The following EPHX4 variants were observed in gnomAD, a reference collection of about 807,000 sequenced individuals.
EPHX4 encodes epoxide hydrolase 4, also known as abhydrolase domain containing 7.
A neutral mutation model predicts 44.9 loss-of-function variants in EPHX4; 31 were observed. The observed-to-expected ratio is 0.69, with a 90% confidence interval of 0.52 to 0.93. The LOEUF (loss-of-function observed/expected upper bound fraction) is 0.93, where lower values mean the gene tolerates loss of function less well. Ranked by LOEUF, EPHX4 falls within the 40% of genes least tolerant of loss-of-function variation. The probability of loss-of-function intolerance (pLI) is 0.00; values close to 1 mark genes in which losing one functional copy is unlikely to be tolerated. For missense variants in EPHX4, 373 were observed against 438.1 expected, an observed-to-expected ratio of 0.85 and a Z score of 1.33; for synonymous variants, 151 against 159.7, an observed-to-expected ratio of 0.95 and a Z score of 0.41.
chr1:92,045,461 A>C, intron 3 of EPHX4, 71 bp from the exon 4 acceptor site: 1 of 1,556,506 alleles, frequency 6.4e-7, no homozygotes, highest in Non-Finnish European at 8.8e-7. Context: ...AAGTATAACT[A>C]TTTTATGTGA....
chr1:92,044,847 CT>C (rs1365861751), intron 3 of EPHX4, among the ~76,000 whole-genome samples: 3 of 152,144 alleles, frequency 2.0e-5, no homozygotes, highest in Non-Finnish European at 4.4e-5. Context: ...TTACTTTTGA[CT>C]TCATTATGTG....
intron 5 of EPHX4, among the ~76,000 whole-genome samples, chr1:92,052,273 T>C (rs1303186183): frequency 1.3e-5 from 2 of 152,124 alleles, no homozygotes; most frequent in Non-Finnish European, 2.9e-5. Flanking sequence ...CAGGATGCTT[T>C]TTATAAAAAT....
At chr1:92,049,300 GA>G (rs2101872372) in intron 4 of EPHX4, among the ~76,000 whole-genome samples, 1 of 152,198 alleles carries the variant, frequency 6.6e-6, no homozygotes, top group Non-Finnish European at 1.5e-5. Flanking sequence ...AACCATTCAG[GA>G]TTCAGCAAAC....
At chr1:92,037,927 AT>A (rs1179342110) in intron 2 of EPHX4, among the ~76,000 whole-genome samples, 1 of 152,182 alleles carries the variant, frequency 6.6e-6, no homozygotes, top group African/African-American at 2.4e-5. Context: ...ATTCATGTAA[AT>A]GATATGTCCA....
At position 92,044,949 on chromosome 1, in the gene EPHX4, C is replaced by CA. The variant is rs1347269607; in HGVS notation, c.476-583_476-582insA. ...AGATGTTTCTTTTGTTTCTTTTGTA[C>CA]CCCCCCACACTTTTTTTCTTTTTTA... On this transcript the variant is annotated intron_variant, in intron 3 of 6. Coordinates refer to ENST00000370383, the MANE Select transcript of EPHX4 (RefSeq NM_173567.5). Among the ~76,000 whole-genome samples, 5 of 151,752 alleles carry CA rather than the reference C, an allele frequency of 3.3e-5. 1 individual carries two copies. The highest frequency in any genetic ancestry group is 2.6e-4 in the Admixed American group (4 of 15,202).
chr1:92,058,825 TTACAAAGTAAGTAA>T (rs772885790), intron 6 of EPHX4, among the ~76,000 whole-genome samples: 3 of 152,188 alleles, frequency 2.0e-5, no homozygotes, highest in Non-Finnish European at 4.4e-5. Flanking sequence ...TTGCTTTGTA[TTACAAAGTAAGTAA>T]TACGTTTGTA....
At position 92,056,648 on chromosome 1, in the gene EPHX4, T is replaced by C. The variant is rs531335136; in HGVS notation, c.857+3990T>C. ...TTAGAAAAATACACATTCTTTTCTTTTTTTTTTTTTTTAATAGTGGTGAGG... is the reference window on the plus strand; with the variant it reads ...TTAGAAAAATACACATTCTTTTCTTCTTTTTTTTTTTTAATAGTGGTGAGG... On this transcript the variant is annotated intron_variant, in intron 6 of 6. Coordinates refer to ENST00000370383, the MANE Select transcript of EPHX4 (RefSeq NM_173567.5). Among the ~76,000 whole-genome samples the C allele has an allele frequency of 1.5e-4, 23 of 150,868 alleles. 1 individual carries two copies. In the South Asian group the frequency reaches 1.7e-3, roughly 11 times the overall value.
intron 6 of EPHX4, among the ~76,000 whole-genome samples, chr1:92,061,557 A>T (rs1002197883): frequency 7.9e-5 from 12 of 152,192 alleles, no homozygotes; most frequent in African/African-American, 2.9e-4. Flanking sequence ...GCTCAAAGGG[A>T]TTATCAGAAA....
intron 2 of EPHX4, among the ~76,000 whole-genome samples, chr1:92,039,281 A>C (rs1290081620): frequency 2.0e-5 from 3 of 152,206 alleles, no homozygotes; most frequent in African/African-American, 7.2e-5. Flanking sequence ...GTTTTGTAGA[A>C]GATAGAGCAG....
chr1:92,053,628 A>C lies in EPHX4; in HGVS notation c.857+970A>C, dbSNP rs139746101. On this transcript the variant is annotated intron_variant, in intron 6 of 6. Transcript: ENST00000370383. ...AACAGTGGAGATGGAGAGAGTGGGC[A>C]GATTTCAGAGACACTTAAGAGGTAA... Among the ~76,000 whole-genome samples the C allele has an allele frequency of 3.9e-3, 601 of 152,266 alleles. 4 individuals are homozygous for C. The highest frequency in any genetic ancestry group is 0.014 in the African/African-American group (568 of 41,566).
chr1:92,060,833 G>T (rs890228395), intron 6 of EPHX4, among the ~76,000 whole-genome samples: 67 of 151,606 alleles, frequency 4.4e-4, no homozygotes, highest in Admixed American at 2.0e-4. Flanking sequence ...AAAATGGTTT[G>T]GTTTTGAACA....
At position 92,042,816 on chromosome 1, in the gene EPHX4, C is replaced by T. The variant is rs1688527753; in HGVS notation, c.318-7C>T. On this transcript the variant is annotated splice_region_variant and splice_polypyrimidine_tract_variant and intron_variant, in intron 2 of 6. Transcript: ENST00000370383. The stretch of plus-strand genomic sequence containing the variant: ...TGATATTTTAAATGCTTCCTTTTTT[C>T]CTGCAGGTATTCTTGGCGTTACCAA... 1.3e-6 allele frequency: 2 copies of T among 1,593,432 alleles called. No homozygotes were observed. The highest frequency in any genetic ancestry group is 2.2e-5 in the East Asian group (1 of 44,504).
At chr1:92,032,867 G>A (rs1570686273) in intron 2 of EPHX4, among the ~76,000 whole-genome samples, 1 of 152,068 alleles carries the variant, frequency 6.6e-6, no homozygotes, top group South Asian at 2.1e-4. Flanking sequence ...ATCCATGAGG[G>A]CAGAGCCTGC....
At chr1:92,040,559 A>G (rs1208855946) in intron 2 of EPHX4, among the ~76,000 whole-genome samples, 1 of 152,076 alleles carries the variant, frequency 6.6e-6, no homozygotes, top group African/African-American at 2.4e-5. Context: ...TCATGACCTC[A>G]GGTGATCCAC....
intron 6 of EPHX4, among the ~76,000 whole-genome samples, chr1:92,061,603 A>G (rs1403636155): frequency 2.0e-5 from 3 of 152,240 alleles, no homozygotes; most frequent in Non-Finnish European, 4.4e-5. Context: ...TGCTTATTAT[A>G]GCATAATTTA....
chr1:92,038,400 A>G (rs1177946101), intron 2 of EPHX4, among the ~76,000 whole-genome samples: 1 of 152,244 alleles, frequency 6.6e-6, no homozygotes, highest in East Asian at 1.9e-4. Context: ...GAACTGGGAC[A>G]AAAGTCCTAC....
chr1:92,042,743 A>AAT, intron 2 of EPHX4, 80 bp from the exon 3 acceptor site: 3 of 1,262,830 alleles, frequency 2.4e-6, no homozygotes, highest in Non-Finnish European at 2.1e-6. Context: ...AAAAAAAAAA[A>AAT]GAAAGGAAAA....
intron 3 of EPHX4, among the ~76,000 whole-genome samples, 195 bp from the exon 4 acceptor site, chr1:92,045,335 CTA>C (rs1469259083): frequency 6.6e-6 from 1 of 151,438 alleles, no homozygotes; most frequent in Non-Finnish European, 1.5e-5. Flanking sequence ...GATTCTCAAT[CTA>C]TAGGTTTAGA....
intron 6 of EPHX4, among the ~76,000 whole-genome samples, chr1:92,052,861 G>T (rs1433167416): frequency 6.6e-6 from 1 of 152,108 alleles, no homozygotes; most frequent in Non-Finnish European, 1.5e-5. Context: ...AATCCTTCAT[G>T]TAGCTGTCAC....
Sources: allele counts gnomAD v4.1 joint callset (sites outside exome capture counted in the v4.1 genomes callset), GRCh38; gene constraint gnomAD v4.1.1; transcripts MANE v1.5; gene names NCBI Gene and HGNC (gene_info 2026-07-23, HGNC 2026-07-21).